Variants in WDR43 observed in about 807,000 individuals in gnomAD.
WDR43 encodes the protein WD repeat domain 43.
In WDR43, 13 loss-of-function variants were observed where a neutral mutation model predicts 91.4. The ratio of observed to expected loss-of-function variants is 0.14; its 90% CI spans 0.09 to 0.23. WDR43 has a LOEUF of 0.23. WDR43 is among the 10% of genes least tolerant of loss of function. WDR43 has a pLI of 1.00. For synonymous variants in WDR43, 331 were observed against 287.9 expected (o/e 1.15, Z -1.51); for missense variants, 780 against 809.4 (o/e 0.96, Z 0.44).
At chr2:28,912,070 G>T (rs1411215123) in intron 3 of WDR43, among the ~76,000 whole-genome samples, 1 of 152,132 alleles carries the variant, frequency 6.6e-6, no homozygotes, top group East Asian at 1.9e-4. Context: ...ATTTTTACCT[G>T]TCAGATTGGG....
intron 16 of WDR43, 137 bp downstream of exon 16, chr2:28,942,518 G>T (rs866170615): frequency 1.1e-6 from 1 of 887,680 alleles, no homozygotes; most frequent in Non-Finnish European, 1.7e-6. Flanking sequence ...AGGCAAGTCC[G>T]TGGCAAAAAT....
At chr2:28,927,265 G>T in intron 9 of WDR43, 1 of 471,864 alleles carries the variant, frequency 2.1e-6, no homozygotes. Flanking sequence ...GAATTTAGTA[G>T]TGGGGGCTTG....
chr2:28,938,268 T>C (rs774735718), intron 14 of WDR43, among the ~76,000 whole-genome samples: 1 of 152,190 alleles, frequency 6.6e-6, no homozygotes. Flanking sequence ...AGAAAAGTTA[T>C]ATAATGACAT....
chr2:28,929,754 T>A (rs1671208120), intron 11 of WDR43, 44 bp downstream of exon 11: 1 of 1,574,822 alleles, frequency 6.3e-7, no homozygotes, highest in African/African-American at 1.4e-5. Context: ...TGGTTAATAT[T>A]TCTTAGAAAA....
intron 3 of WDR43, among the ~76,000 whole-genome samples, chr2:28,907,663 TG>T (rs1185214685): frequency 5.3e-5 from 8 of 151,522 alleles, no homozygotes; most frequent in Non-Finnish European, 1.0e-4. Flanking sequence ...CCCAGCACTT[TG>T]GGAGGCCAAG....
In WDR43 at chr2:28,946,876, C is replaced by G; in HGVS notation, c.*97C>G. On this transcript the variant is annotated 3_prime_UTR_variant, in exon 18 of 18. Coordinates refer to ENST00000407426, the MANE Select transcript of WDR43 (RefSeq NM_015131.3). ...TGCCAGGATGCCAAGGACCGCTGCA[C>G]ATTTCCAAATTCACAGCAGTGGATC... The G allele has an allele frequency of 1.4e-6, 2 of 1,387,236 alleles. No homozygotes were observed. The highest frequency in any genetic ancestry group is 1.9e-6 in the Non-Finnish European group (2 of 1,052,414). The allele number at this position is 1,387,236 out of a possible 1,614,324, so 85.9% of individuals were successfully genotyped here.
rs1261515365 is a variant in WDR43, at chr2:28,947,147, C to T, written c.*368C>T. Reference sequence around the variant, plus strand: ...AAGAACTGGACTGTTGTGAAGAAGTCAGCTCTTATCTCAGGTTGGTATCTT... The same window carrying T: ...AAGAACTGGACTGTTGTGAAGAAGTTAGCTCTTATCTCAGGTTGGTATCTT... On this transcript the variant is annotated 3_prime_UTR_variant, in exon 18 of 18. Transcript: ENST00000407426. 6.4e-6 allele frequency: 1 copy of T among 156,620 alleles called. No homozygotes were observed. Among genetic ancestry groups the T allele is most frequent in the Non-Finnish European group, 1.4e-5 (1 of 71,214 alleles). The allele number at this position is 156,620 out of a possible 1,614,324, so 9.7% of individuals were successfully genotyped here. A position where few individuals can be genotyped will look rare whatever the true frequency, so the allele number is the denominator to read the frequency against.
At chr2:28,938,907 G>A (rs1162808531) in intron 14 of WDR43, among the ~76,000 whole-genome samples, 1 of 151,994 alleles carries the variant, frequency 6.6e-6, no homozygotes, top group East Asian at 1.9e-4. Context: ...ACACTGATGA[G>A]AGGCGTTTTG....
chr2:28,916,643 A>G (rs181341599), intron 5 of WDR43, among the ~76,000 whole-genome samples: 3 of 152,192 alleles, frequency 2.0e-5, no homozygotes, highest in Non-Finnish European at 4.4e-5. Flanking sequence ...ACATCCCTGC[A>G]CCCACACGCT....
At chr2:28,928,396 T>G (rs1671182634) in intron 10 of WDR43, among the ~76,000 whole-genome samples, 1 of 152,192 alleles carries the variant, frequency 6.6e-6, no homozygotes, top group Non-Finnish European at 1.5e-5. Flanking sequence ...CATAGCTTCA[T>G]AAAACATGTT....
intron 1 of WDR43, among the ~76,000 whole-genome samples, chr2:28,896,094 T>TA (rs951604223): frequency 1.2e-3 from 173 of 150,304 alleles, no homozygotes; most frequent in African/African-American, 3.8e-3. Context: ...AACATAAAAC[T>TA]AAAAAAAAAA....
intron 7 of WDR43, among the ~76,000 whole-genome samples, chr2:28,923,896 G>A (rs1201456619): frequency 1.3e-5 from 2 of 152,112 alleles, no homozygotes; most frequent in Non-Finnish European, 2.9e-5. Context: ...TCAAGCAGAG[G>A]ATTCGATGAG....
rs1189466195 is a variant in WDR43 at position 28,948,083 on chromosome 2, C to A, written c.*1304C>A. On this transcript the variant is annotated 3_prime_UTR_variant, in exon 18 of 18. Coordinates refer to ENST00000407426, the MANE Select transcript of WDR43 (RefSeq NM_015131.3). ...GTGTGCTCATCTTAAGAGCCAGAGC[C>A]ATATAAGCATCTTGGGAAAGCAAGT... 2 of 151,934 alleles carry A rather than the reference C, an allele frequency of 1.3e-5. No homozygotes were observed. The highest frequency in any genetic ancestry group is 4.8e-5 in the African/African-American group (2 of 41,336). 9.4% of individuals were successfully genotyped at this position (151,934 alleles called of 1,614,324 possible).
At chr2:28,938,779 T>C (rs1164383493) in intron 14 of WDR43, among the ~76,000 whole-genome samples, 1 of 152,228 alleles carries the variant, frequency 6.6e-6, no homozygotes, top group Non-Finnish European at 1.5e-5. Flanking sequence ...TGCTTTGAGG[T>C]CAGCAGTTTG....
chr2:28,896,863 G>A (rs1373934809), intron 1 of WDR43, among the ~76,000 whole-genome samples: 3 of 152,168 alleles, frequency 2.0e-5, no homozygotes, highest in Admixed American at 6.5e-5. Context: ...CGAGAGTTGA[G>A]CTACATTAAA....
chr2:28,926,971 T>A (rs934842360), intron 9 of WDR43: 2 of 485,726 alleles, frequency 4.1e-6, no homozygotes, highest in Non-Finnish European at 8.4e-6. Context: ...CACAAAAGCA[T>A]AGGAGCATCA....
At chr2:28,917,642 CAG>C (rs1558374802) in intron 5 of WDR43, among the ~76,000 whole-genome samples, 1 of 152,184 alleles carries the variant, frequency 6.6e-6, no homozygotes, top group South Asian at 2.1e-4. Flanking sequence ...TAGAAAAAAA[CAG>C]AATGTTACTC....
chr2:28,943,466 C>T (rs997883859), intron 16 of WDR43, among the ~76,000 whole-genome samples: 5 of 152,094 alleles, frequency 3.3e-5, no homozygotes, highest in African/African-American at 9.7e-5. Flanking sequence ...GCAATTTAGT[C>T]ATTTTATGAG....
intron 16 of WDR43, among the ~76,000 whole-genome samples, chr2:28,945,486 G>C (rs1293715588): frequency 6.6e-6 from 1 of 152,324 alleles, no homozygotes; most frequent in Non-Finnish European, 1.5e-5. Context: ...TTGGTGAAGA[G>C]ACTGGGAAGT....
Sources: gnomAD v4.1 joint callset for allele counts (sites outside exome capture counted in the v4.1 genomes callset) on GRCh38, gnomAD v4.1.1 for gene constraint, MANE v1.5 for transcripts, NCBI Gene and HGNC (gene_info 2026-07-23, HGNC 2026-07-21) for gene names.